The following MRE11 variants were observed in gnomAD, a reference collection of about 807,000 sequenced individuals.
MRE11 encodes double-strand break repair protein MRE11.
MRE11 carries 62 observed loss-of-function variants against 91.7 expected under a neutral mutation model. The ratio of observed to expected loss-of-function variants is 0.68; its 90% CI spans 0.55 to 0.84. The LOEUF (loss-of-function observed/expected upper bound fraction) is 0.84. Ranked by LOEUF, MRE11 falls within the 40% of genes least tolerant of loss-of-function variation. The pLI is 0.00. For missense variants in MRE11, 796 were observed against 852.9 expected (o/e 0.93, Z 0.83); for synonymous variants, 273 against 271.4 (o/e 1.01, Z -0.06).
the MRE11 span, among the ~76,000 whole-genome samples, chr11:94,500,870 C>T: frequency 3.3e-5 from 5 of 152,230 alleles, no homozygotes; most frequent in African/African-American, 1.2e-4. Flanking sequence ...TCAGAAGAAG[C>T]CCAGAGACTA....
chr11:94,443,331 C>A (rs983603834), intron 16 of MRE11, among the ~76,000 whole-genome samples: 6 of 152,132 alleles, frequency 3.9e-5, no homozygotes, highest in African/African-American at 1.4e-4. Context: ...AGATCTGGTA[C>A]TGACAAGTTA....
At chr11:94,487,977 A>T (rs1240152723) in intron 3 of MRE11, among the ~76,000 whole-genome samples, 3 of 152,242 alleles carry the variant, frequency 2.0e-5, no homozygotes, top group Non-Finnish European at 4.4e-5. Context: ...AGATTCAATA[A>T]TAAGAAATAC....
chr11:94,479,606 G>A, intron 5 of MRE11, 68 bp downstream of exon 5: 2 of 1,370,734 alleles, frequency 1.5e-6, no homozygotes, highest in Middle Eastern at 1.8e-4. Flanking sequence ...GGGAAGGCAT[G>A]CTTTCCACAG....
intron 16 of MRE11, among the ~76,000 whole-genome samples, chr11:94,439,395 C>T (rs1052779476): frequency 1.7e-4 from 26 of 152,042 alleles, no homozygotes; most frequent in African/African-American, 6.0e-4. Context: ...GTTAAGTTAG[C>T]GAAACCATTA....
intron 16 of MRE11, among the ~76,000 whole-genome samples, chr11:94,440,921 G>A (rs953148731): frequency 6.6e-6 from 1 of 152,168 alleles, no homozygotes; most frequent in African/African-American, 2.4e-5. Context: ...TCACCCACCA[G>A]GGGGTTGCCT....
intron 12 of MRE11, among the ~76,000 whole-genome samples, chr11:94,460,459 T>C (rs1019959677): frequency 1.3e-5 from 2 of 152,204 alleles, no homozygotes; most frequent in Non-Finnish European, 2.9e-5. Flanking sequence ...TAAATCTGGA[T>C]TGAGATCTTT....
intron 8 of MRE11, 36 bp downstream of exon 8, chr11:94,471,538 T>C (rs997493028): frequency 1.9e-5 from 31 of 1,600,088 alleles, no homozygotes; most frequent in African/African-American, 4.0e-5. Flanking sequence ...ATAGCAAAGA[T>C]TTCTTAAAAA....
chr11:94,423,709 C>G (rs1200971669), intron 19 of MRE11, among the ~76,000 whole-genome samples: 1 of 152,242 alleles, frequency 6.6e-6, no homozygotes, highest in Non-Finnish European at 1.5e-5. Flanking sequence ...GAGTACCTTC[C>G]TGGCAGCCTG....
intron 19 of MRE11, among the ~76,000 whole-genome samples, chr11:94,421,980 A>G (rs1945183354): frequency 6.6e-6 from 1 of 152,198 alleles, no homozygotes; most frequent in African/African-American, 2.4e-5. Flanking sequence ...AGATCTGTTT[A>G]ATATGGATCT....
the MRE11 span, among the ~76,000 whole-genome samples, chr11:94,512,122 C>G: frequency 2.0e-5 from 3 of 152,192 alleles, no homozygotes; most frequent in African/African-American, 7.2e-5. Flanking sequence ...CTTTTCTGTT[C>G]TGGGCAGTGA....
At chr11:94,454,985 T>C (rs947586900) in intron 14 of MRE11, among the ~76,000 whole-genome samples, 1 of 152,212 alleles carries the variant, frequency 6.6e-6, no homozygotes, top group Admixed American at 6.5e-5. Flanking sequence ...TTCTAATCTA[T>C]AGCTTCTTTT....
At chr11:94,485,864 T>A in intron 4 of MRE11, 60 bp downstream of exon 4, 7 of 1,520,178 alleles carry the variant, frequency 4.6e-6, no homozygotes, top group Non-Finnish European at 6.4e-6. Flanking sequence ...TGTTTACGTG[T>A]CTTATACAGC....
At chr11:94,440,976 C>T (rs1249231455) in intron 16 of MRE11, among the ~76,000 whole-genome samples, 2 of 152,182 alleles carry the variant, frequency 1.3e-5, no homozygotes, top group Admixed American at 1.3e-4. Context: ...TGCTATGAAA[C>T]TCTCGCCAAC....
chr11:94,480,332 C>T (rs1456384709), intron 4 of MRE11, among the ~76,000 whole-genome samples: 2 of 152,212 alleles, frequency 1.3e-5, no homozygotes, highest in African/African-American at 4.8e-5. Flanking sequence ...GAAAAATATA[C>T]ATTTCTGCAT....
At chr11:94,427,838 G>C (rs762294958) in intron 19 of MRE11, among the ~76,000 whole-genome samples, 2 of 152,152 alleles carry the variant, frequency 1.3e-5, no homozygotes, top group Non-Finnish European at 2.9e-5. Flanking sequence ...GCTAACCAAG[G>C]AGGTGAAAGA....
At chr11:94,491,806 C>T (rs1322547512) in intron 2 of MRE11, among the ~76,000 whole-genome samples, 2 of 152,094 alleles carry the variant, frequency 1.3e-5, no homozygotes, top group Non-Finnish European at 2.9e-5. Context: ...TCTTTACAAA[C>T]AAAAGATATT....
chr11:94,470,338 AAC>A, intron 9 of MRE11, 131 bp downstream of exon 9: 1 of 890,676 alleles, frequency 1.1e-6, no homozygotes, highest in Non-Finnish European at 1.7e-6. Context: ...TTCACTGAAG[AAC>A]AGTGTCCTTA....
chr11:94,420,435 A>G (rs1450770182), intron 19 of MRE11, among the ~76,000 whole-genome samples: 5 of 152,234 alleles, frequency 3.3e-5, no homozygotes, highest in African/African-American at 7.2e-5. Context: ...ACTAACCTTA[A>G]TAAAGATAAA....
At chr11:94,497,832 A>T, upstream of MRE11, 1 of 436,732 alleles carries the variant, frequency 2.3e-6, no homozygotes, top group Non-Finnish European at 4.1e-6. Context: ...GTATGGTTTG[A>T]TATTCAGAGA....
Sources: gnomAD v4.1 joint callset for allele counts (sites outside exome capture counted in the v4.1 genomes callset) on GRCh38, gnomAD v4.1.1 for gene constraint, MANE v1.5 for transcripts, NCBI Gene and HGNC (gene_info 2026-07-23, HGNC 2026-07-21) for gene names.